The following MELK variants were observed in gnomAD, a reference collection of about 807,000 sequenced individuals.
The protein encoded by MELK is pEg3 kinase.
A neutral mutation model predicts 85.0 loss-of-function variants in MELK; 81 were observed. That is an observed-to-expected ratio of 0.95 (90% CI 0.80 to 1.15). The LOEUF (loss-of-function observed/expected upper bound fraction) is 1.15. MELK is among the 50% of genes most tolerant of loss of function. The pLI is 0.00. For synonymous variants in MELK, 252 were observed against 265.0 expected (o/e 0.95, Z 0.48); for missense variants, 754 against 777.5 (o/e 0.97, Z 0.36).
intron 10 of MELK, among the ~76,000 whole-genome samples, chr9:36,641,995 A>G (rs544996047): frequency 9.9e-5 from 15 of 152,252 alleles, no homozygotes; most frequent in Non-Finnish European, 1.8e-4. Context: ...TTCCAGGTCC[A>G]GGCCAGGCTA....
chr9:36,677,397 TG>T lies in MELK; in HGVS notation c.*61del. The T allele has an allele frequency of 4.2e-6, 6 of 1,426,208 alleles. No homozygotes were observed. The highest frequency in any genetic ancestry group is 5.6e-6 in the Non-Finnish European group (6 of 1,071,142). The allele number at this position is 1,426,208 out of a possible 1,614,324, so 88.3% of individuals were successfully genotyped here. ...GGTGTGATACAGCCTACATAAAGAC[TG>T]TTATGATCGCTTTGATTTTAAAGTT... On this transcript the variant is annotated 3_prime_UTR_variant, in exon 18 of 18. Coordinates refer to ENST00000298048, the MANE Select transcript of MELK (RefSeq NM_014791.4).
intron 13 of MELK, among the ~76,000 whole-genome samples, chr9:36,660,755 G>T (rs12380104): frequency 0.071 from 10,782 of 151,884 alleles, 514 homozygotes; most frequent in Non-Finnish European, 0.11. Context: ...ACTTTGGGGG[G>T]CTGAGGCGGG....
At chr9:36,579,700 A>G (rs960636940) in intron 1 of MELK, among the ~76,000 whole-genome samples, 6 of 152,198 alleles carry the variant, frequency 3.9e-5, no homozygotes, top group Non-Finnish European at 5.9e-5. Context: ...TGATCTCTAA[A>G]AGTCAACCAC....
At chr9:36,636,928 G>A (rs952732416) in intron 10 of MELK, among the ~76,000 whole-genome samples, 1 of 151,796 alleles carries the variant, frequency 6.6e-6, no homozygotes, top group African/African-American at 2.4e-5. Flanking sequence ...TCTGCCTCCC[G>A]GGTTCATGCC....
At chr9:36,621,290 A>AAAAAC (rs1827401937) in intron 8 of MELK, among the ~76,000 whole-genome samples, 1 of 99,338 alleles carries the variant, frequency 1.0e-5, no homozygotes, top group Admixed American at 9.3e-5. Flanking sequence ...AAAAAAAAAA[A>AAAAAC]AAAAAAAAAA....
chr9:36,674,794 G>A (rs925518763), intron 16 of MELK, 40 bp from the exon 17 acceptor site: 2 of 1,246,418 alleles, frequency 1.6e-6, no homozygotes, highest in Admixed American at 1.7e-5. Flanking sequence ...TTGTGTTGAT[G>A]TAAAAATTTA....
Position 36,633,084 on chromosome 9 carries a change from C to T in MELK, c.736-18C>T, listed in dbSNP as rs762684988. The T allele has an allele frequency of 6.4e-6, 10 of 1,561,360 alleles. No individual in the cohort carries two copies. Among genetic ancestry groups the T allele is most frequent in the Non-Finnish European group, 8.8e-6 (10 of 1,141,468 alleles). ...TATTTGAAATGTTAATCTCTAGCTA[C>T]TTTTTAATGGCCACTAGGTGGACCC... On this transcript the variant is annotated intron_variant, in intron 9 of 17. Coordinates refer to ENST00000298048, the MANE Select transcript of MELK (RefSeq NM_014791.4).
intron 16 of MELK, among the ~76,000 whole-genome samples, chr9:36,674,360 A>G (rs1833152506): frequency 6.6e-6 from 1 of 152,238 alleles, no homozygotes; most frequent in African/African-American, 2.4e-5. Flanking sequence ...CTGTCATAAA[A>G]TCAGCTCCTG....
intron 8 of MELK, among the ~76,000 whole-genome samples, chr9:36,610,959 T>C (rs748530571): frequency 3.1e-4 from 47 of 152,232 alleles, no homozygotes; most frequent in Non-Finnish European, 5.1e-4. Context: ...ATCCAAAATT[T>C]GAAATGCTCC....
chr9:36,627,528 T>C (rs921792337), intron 8 of MELK, among the ~76,000 whole-genome samples: 2 of 145,378 alleles, frequency 1.4e-5, no homozygotes, highest in African/African-American at 2.8e-5. Context: ...CTCTCTCTTT[T>C]TTTTTTTTTT....
At chr9:36,662,835 TTC>T (rs1831987144) in intron 13 of MELK, among the ~76,000 whole-genome samples, 1 of 152,172 alleles carries the variant, frequency 6.6e-6, no homozygotes, top group Admixed American at 6.5e-5. Context: ...GCTTTTGGTG[TTC>T]TGCAGTTTCA....
At chr9:36,576,587 A>G (rs1821670519) in intron 1 of MELK, among the ~76,000 whole-genome samples, 1 of 152,114 alleles carries the variant, frequency 6.6e-6, no homozygotes, top group African/African-American at 2.4e-5. Context: ...GCCAGAGTGC[A>G]GTGGCGTGAT....
At chr9:36,674,722 GT>G (rs1833189286) in intron 16 of MELK, 111 bp from the exon 17 acceptor site, 1 of 523,300 alleles carries the variant, frequency 1.9e-6, no homozygotes, top group African/African-American at 1.9e-5. Context: ...TTAGGAAATA[GT>G]TCCATTTGAA....
In MELK at chr9:36,617,595, T is replaced by C. The variant is rs1353409055; in HGVS notation, c.666+9922T>C. Among the ~76,000 whole-genome samples the C allele has an allele frequency of 2.6e-5, 4 of 152,210 alleles. No individual in the cohort carries two copies. In the East Asian group the frequency reaches 5.8e-4, roughly 22 times the overall value. On this transcript the variant is annotated intron_variant, in intron 8 of 17. Transcript: ENST00000298048. ...TTGGCCTCTCAAAATGTTGGGATTA[T>C]AGGCATGAGCCACTGTGCCCAGCCT...
intron 14 of MELK, among the ~76,000 whole-genome samples, chr9:36,668,408 G>T (rs1394277836): frequency 6.6e-6 from 1 of 152,132 alleles, no homozygotes; most frequent in Non-Finnish European, 1.5e-5. Flanking sequence ...AGTATAACCA[G>T]ATTCGTTAGT....
chr9:36,669,480 C>A, intron 15 of MELK, 74 bp downstream of exon 15: 2 of 1,041,948 alleles, frequency 1.9e-6, no homozygotes, highest in Non-Finnish European at 2.8e-6. Flanking sequence ...TATTAATAGA[C>A]CTGATTAAGG....
At chr9:36,661,845 G>C (rs1029738897) in intron 13 of MELK, among the ~76,000 whole-genome samples, 1 of 151,422 alleles carries the variant, frequency 6.6e-6, no homozygotes, top group African/African-American at 2.4e-5. Flanking sequence ...GCTGAGGCAG[G>C]AGAATGGCAT....
intron 12 of MELK, among the ~76,000 whole-genome samples, chr9:36,657,019 A>G (rs1044162644): frequency 6.6e-6 from 1 of 152,242 alleles, no homozygotes; most frequent in Non-Finnish European, 1.5e-5. Context: ...TTTGTAGTGT[A>G]GGAGCAACAG....
At chr9:36,676,597 T>G (rs570224207) in intron 17 of MELK, among the ~76,000 whole-genome samples, 5 of 152,316 alleles carry the variant, frequency 3.3e-5, no homozygotes, top group Admixed American at 6.5e-5. Flanking sequence ...TTGGGCTTTT[T>G]CTTCTGCTTT....
Sources: allele counts gnomAD v4.1 joint callset (sites outside exome capture counted in the v4.1 genomes callset), GRCh38; gene constraint gnomAD v4.1.1; transcripts MANE v1.5; gene names NCBI Gene and HGNC (gene_info 2026-07-23, HGNC 2026-07-21).